JAKMIP2: variants seen among roughly 807,000 people sequenced by gnomAD.
JAKMIP2 encodes the protein janus kinase and microtubule interacting protein 2, also known as janus kinase and microtubule-interacting protein 2.
A neutral mutation model predicts 115.0 loss-of-function variants in JAKMIP2; 25 were observed. That is an observed-to-expected ratio of 0.22 (90% CI 0.16 to 0.30). The LOEUF (loss-of-function observed/expected upper bound fraction) is 0.30. Among genes scored for constraint, JAKMIP2 ranks in the 10% least tolerant of loss-of-function variants. The pLI is 1.00. For missense variants in JAKMIP2, 642 were observed against 957.6 expected, an observed-to-expected ratio of 0.67 and a Z score of 4.35; for synonymous variants, 334 against 343.6, an observed-to-expected ratio of 0.97 and a Z score of 0.31.
At chr5:147,656,577 G>A (rs2126766465) in intron 3 of JAKMIP2, among the ~76,000 whole-genome samples, 1 of 152,218 alleles carries the variant, frequency 6.6e-6, no homozygotes, top group African/African-American at 2.4e-5. Context: ...GCTTACATGT[G>A]TCTTTGCATG....
chr5:147,635,706 C>T (rs535983826), intron 12 of JAKMIP2, among the ~76,000 whole-genome samples: 3 of 152,260 alleles, frequency 2.0e-5, no homozygotes, highest in Non-Finnish European at 4.4e-5. Context: ...GGATTACAGG[C>T]ATGTGCCACC....
chr5:147,708,482 G>A (rs1752662177), intron 1 of JAKMIP2, among the ~76,000 whole-genome samples: 1 of 152,182 alleles, frequency 6.6e-6, no homozygotes, highest in Non-Finnish European at 1.5e-5. Flanking sequence ...CGTAGAAGGA[G>A]AAACAGGTTG....
chr5:147,649,758 C>T (rs1463923975), intron 4 of JAKMIP2, among the ~76,000 whole-genome samples: 1 of 152,010 alleles, frequency 6.6e-6, no homozygotes, highest in Non-Finnish European at 1.5e-5. Context: ...ATTATTATAG[C>T]AGCAAAATAA....
chr5:147,765,742 T>A (rs1171423315), intron 1 of JAKMIP2, among the ~76,000 whole-genome samples: 1 of 152,058 alleles, frequency 6.6e-6, no homozygotes. Flanking sequence ...GAAAAAAAAA[T>A]TCACCTGTAA....
chr5:147,616,049 G>A (rs931822596), intron 19 of JAKMIP2, among the ~76,000 whole-genome samples: 14 of 152,102 alleles, frequency 9.2e-5, no homozygotes, highest in East Asian at 7.7e-4. Context: ...GTTTCTAGCC[G>A]GAGTGATTTG....
intron 1 of JAKMIP2, among the ~76,000 whole-genome samples, chr5:147,721,606 G>A (rs1753299459): frequency 1.3e-5 from 2 of 152,270 alleles, no homozygotes; most frequent in Admixed American, 6.5e-5. Context: ...GGAGTGACCC[G>A]ATTTTCCAGG....
At chr5:147,606,598 G>A (rs981864791) in intron 20 of JAKMIP2, among the ~76,000 whole-genome samples, 1 of 152,142 alleles carries the variant, frequency 6.6e-6, no homozygotes, top group Non-Finnish European at 1.5e-5. Context: ...TTGTAGTATG[G>A]TCTGAAGTCA....
Position 147,711,879 on chromosome 5 carries a change from G to A in JAKMIP2, c.-148-39925C>T, listed in dbSNP as rs1191513889. Among the ~76,000 whole-genome samples, 3 of 152,290 alleles carry A rather than the reference G, an allele frequency of 2.0e-5. No individual in the cohort carries two copies. The East Asian group carries it at 5.8e-4, about 29-fold the overall frequency. On this transcript the variant is annotated intron_variant, in intron 1 of 21. Coordinates refer to ENST00000616793, the MANE Select transcript of JAKMIP2 (RefSeq NM_001270941.2). ...GACAGGGTTTTGCCATGCTGGCCAG[G>A]CTGGTCTTGAATTCCTGACCTCAGG...
intron 1 of JAKMIP2, among the ~76,000 whole-genome samples, chr5:147,756,860 A>C (rs1234522686): frequency 6.6e-6 from 1 of 152,172 alleles, no homozygotes; most frequent in Non-Finnish European, 1.5e-5. Flanking sequence ...TAAAGAACAG[A>C]GGACATGAAA....
At chr5:147,592,845 T>C (rs1755164480) in intron 21 of JAKMIP2, among the ~76,000 whole-genome samples, 2 of 152,138 alleles carry the variant, frequency 1.3e-5, no homozygotes, top group Non-Finnish European at 2.9e-5. Context: ...ACTTCTAGTC[T>C]ACCAACCAGG....
intron 17 of JAKMIP2, 39 bp downstream of exon 17, chr5:147,623,582 G>C: frequency 7.3e-7 from 1 of 1,379,024 alleles, no homozygotes; most frequent in Non-Finnish European, 1.0e-6. Flanking sequence ...TGCCTTGTAA[G>C]TTTTTCTTAA....
chr5:147,685,390 G>A (rs7725634), intron 1 of JAKMIP2, among the ~76,000 whole-genome samples: 44,987 of 151,990 alleles, frequency 0.3, 7,767 homozygotes, highest in African/African-American at 0.48. Flanking sequence ...AGGGGGCTTA[G>A]TATAAGCTAG....
At chr5:147,634,968 A>C (rs1757542010) in intron 12 of JAKMIP2, among the ~76,000 whole-genome samples, 2 of 152,198 alleles carry the variant, frequency 1.3e-5, no homozygotes, top group Non-Finnish European at 2.9e-5. Flanking sequence ...TCCCTTACAC[A>C]ATTGGGCTTT....
At chr5:147,764,768 C>T (rs1755051769) in intron 1 of JAKMIP2, among the ~76,000 whole-genome samples, 1 of 151,174 alleles carries the variant, frequency 6.6e-6, no homozygotes, top group African/African-American at 2.4e-5. Flanking sequence ...CACCTGTAGT[C>T]TCAGCTATTC....
Position 147,632,736 on chromosome 5 carries a change from G to T in JAKMIP2, c.1720C>A (p.Leu574Ile). The T allele has an allele frequency of 6.2e-7, 1 of 1,613,392 alleles. No homozygotes were observed. The highest frequency in any genetic ancestry group is 8.5e-7 in the Non-Finnish European group (1 of 1,179,560). ...EAENHRLQQE[L>I]QDARDQNELL... ...TCATTCTGGTCTCTGGCGTCCTGTA[G>T]TTCTTGTTGTAACCGGTGATTTTCT... Residue 574 changes from leucine (L) to isoleucine (I), a missense_variant, in exon 13 of 22, where the codon CTA becomes ATA. Physicochemically the swap from Leu to Ile is conservative, Grantham distance 5 (BLOSUM62 2). This residue lies in a region of JAKMIP2 where 103 missense variants were observed against 177.6 expected (regional missense o/e 0.58). Coordinates refer to ENST00000616793, the MANE Select transcript of JAKMIP2 (RefSeq NM_001270941.2).
intron 2 of JAKMIP2, among the ~76,000 whole-genome samples, chr5:147,663,764 T>G (rs951048223): frequency 2.3e-4 from 35 of 152,166 alleles, no homozygotes; most frequent in African/African-American, 8.2e-4. Context: ...TAAAAGAGCT[T>G]GGGGCACAAG....
chr5:147,594,254 C>A, intron 21 of JAKMIP2: 1 of 240,410 alleles, frequency 4.2e-6, no homozygotes, highest in Admixed American at 4.1e-5. Context: ...GGTTGCATAA[C>A]AGTGCTACAA....
intron 1 of JAKMIP2, among the ~76,000 whole-genome samples, chr5:147,779,639 G>C (rs1490700211): frequency 1.3e-5 from 2 of 152,180 alleles, no homozygotes; most frequent in South Asian, 4.1e-4. Flanking sequence ...ATTTCTCTAA[G>C]AAGATGATCA....
rs563654354 is a variant in JAKMIP2 at position 147,660,023 on chromosome 5, A to T, written c.627+925T>A. Among the ~76,000 whole-genome samples the T allele has an allele frequency of 3.3e-5, 5 of 152,254 alleles. No homozygotes were observed. The South Asian group carries it at 8.3e-4, about 25-fold the overall frequency. ...AAAAAGGAAAAGTGTAGTTTTTCCTAAAAAAAGCCTTATTTCCGGAGAAGC... is the reference window on the plus strand; with the variant it reads ...AAAAAGGAAAAGTGTAGTTTTTCCTTAAAAAAGCCTTATTTCCGGAGAAGC... On this transcript the variant is annotated intron_variant, in intron 3 of 21. Transcript: ENST00000616793.
Sources: allele counts gnomAD v4.1 joint callset (sites outside exome capture counted in the v4.1 genomes callset), GRCh38; gene constraint gnomAD v4.1.1; regional missense constraint gnomAD v4.1.1; transcripts MANE v1.5; gene names NCBI Gene and HGNC (gene_info 2026-07-23, HGNC 2026-07-21).